The following NRXN3 variants were observed in gnomAD, a reference collection of about 807,000 sequenced individuals.
NRXN3 encodes neurexin 3, also known as neurexin III.
NRXN3 carries 32 observed loss-of-function variants against 137.6 expected under a neutral mutation model. That is an observed-to-expected ratio of 0.23 (90% CI 0.18 to 0.31). The LOEUF is 0.31. Among genes scored for constraint, NRXN3 ranks in the 10% least tolerant of loss-of-function variants. The probability of loss-of-function intolerance (pLI) is 1.00; values close to 1 mark genes in which losing one functional copy is unlikely to be tolerated. For synonymous variants in NRXN3, 798 were observed against 784.5 expected (o/e 1.02, Z -0.29); for missense variants, 1,574 against 2,062.5 (o/e 0.76, Z 4.59).
rs2099152024 is a variant in NRXN3, at chr14:79,793,548, G to A, written c.4015-11564G>A. 2.6e-5 allele frequency among the ~76,000 whole-genome samples: 4 copies of A among 152,234 alleles called. No individual in the cohort carries two copies. The South Asian group carries it at 8.3e-4, about 32-fold the overall frequency. On this transcript the variant is annotated intron_variant, in intron 19 of 20. Transcript: ENST00000335750. ...TCTGAAACCATGTCACACTCCTTTG[G>A]CCTGTTCAAAATCATTTTTCAGAAC...
At position 78,611,944 on chromosome 14, in the gene NRXN3, C is replaced by A. The variant is rs193238487; in HGVS notation, c.758-33176C>A. ...TTTGTTTTCATTTTTACTCTTTAAA[C>A]CCAAGACGTCTATCTGCTCATTACC... is the stretch of plus-strand genomic sequence containing the variant. On this transcript the variant is annotated intron_variant, in intron 4 of 20. Coordinates refer to ENST00000335750, the MANE Select transcript of NRXN3 (RefSeq NM_001330195.2). Among the ~76,000 whole-genome samples the A allele has an allele frequency of 4.4e-3, 665 of 152,262 alleles. 2 individuals carry two copies. The highest frequency in any genetic ancestry group is 6.8e-3 in the Non-Finnish European group (464 of 68,006).
At chr14:78,220,830 C>A (rs572302427) in intron 1 of NRXN3, among the ~76,000 whole-genome samples, 2 of 151,484 alleles carry the variant, frequency 1.3e-5, no homozygotes, top group East Asian at 3.9e-4. Flanking sequence ...AAGTGAGTAG[C>A]CAGAGGGGAG....
At chr14:78,425,875 C>A (rs1171569041) in intron 4 of NRXN3, among the ~76,000 whole-genome samples, 3 of 152,174 alleles carry the variant, frequency 2.0e-5, no homozygotes, top group Non-Finnish European at 4.4e-5. Flanking sequence ...AGGAAATTAG[C>A]TGTGAGTGTA....
intron 16 of NRXN3, among the ~76,000 whole-genome samples, chr14:79,519,780 T>TC (rs2097043321): frequency 6.6e-6 from 1 of 151,268 alleles, no homozygotes; most frequent in Non-Finnish European, 1.5e-5. Context: ...TTTTTTTTTT[T>TC]TTTTTTGAAA....
chr14:79,800,192 A>G (rs2099173398), intron 19 of NRXN3, among the ~76,000 whole-genome samples: 1 of 152,234 alleles, frequency 6.6e-6, no homozygotes, highest in African/African-American at 2.4e-5. Context: ...GTGAGGGGAA[A>G]AAATGTGAAG....
At chr14:79,248,262 G>C (rs1456074546) in intron 15 of NRXN3, among the ~76,000 whole-genome samples, 1 of 151,980 alleles carries the variant, frequency 6.6e-6, no homozygotes, top group Non-Finnish European at 1.5e-5. Flanking sequence ...CCTTCCTTTT[G>C]AGCATTATCC....
intron 16 of NRXN3, among the ~76,000 whole-genome samples, chr14:79,558,731 T>C (rs919826692): frequency 1.3e-5 from 2 of 152,126 alleles, no homozygotes; most frequent in Non-Finnish European, 2.9e-5. Flanking sequence ...CAAATGAGCA[T>C]TGACTTCAAC....
Position 79,591,254 on chromosome 14 carries a change from C to G in NRXN3, c.3445-72524C>G, listed in dbSNP as rs75423503. On this transcript the variant is annotated intron_variant, in intron 16 of 20. Transcript: ENST00000335750. ...TAACAAAATATGACATTTAAAGGAA[C>G]TCACTTTTTCTTTTTTGTTGACAGT... Among the ~76,000 whole-genome samples, 988 of 152,262 alleles carry G rather than the reference C, an allele frequency of 6.5e-3. 4 individuals are homozygous for G. The highest frequency in any genetic ancestry group is 0.011 in the Non-Finnish European group (765 of 68,014).
At chr14:79,503,230 T>C (rs1161902661) in intron 16 of NRXN3, among the ~76,000 whole-genome samples, 1 of 152,196 alleles carries the variant, frequency 6.6e-6, no homozygotes, top group Admixed American at 6.5e-5. Context: ...TTGCGGGATA[T>C]ACATGGAAGG....
intron 8 of NRXN3, among the ~76,000 whole-genome samples, chr14:78,773,350 C>A (rs2098734571): frequency 1.3e-5 from 2 of 152,232 alleles, no homozygotes; most frequent in South Asian, 4.1e-4. Context: ...TACTCCTCCC[C>A]TTCCCTTGCC....
At chr14:78,465,310 A>G (rs1432031128) in intron 4 of NRXN3, among the ~76,000 whole-genome samples, 2 of 152,224 alleles carry the variant, frequency 1.3e-5, no homozygotes, top group Non-Finnish European at 2.9e-5. Flanking sequence ...TAAATAAATT[A>G]TGGAAACCAG....
At chr14:78,404,648 G>A (rs777484067) in intron 4 of NRXN3, among the ~76,000 whole-genome samples, 9 of 152,150 alleles carry the variant, frequency 5.9e-5, no homozygotes, top group African/African-American at 1.7e-4. Context: ...TGAGACCAGG[G>A]ACTGTGCCTC....
intron 19 of NRXN3, among the ~76,000 whole-genome samples, chr14:79,706,285 C>T (rs1038797387): frequency 3.3e-5 from 5 of 152,150 alleles, no homozygotes; most frequent in African/African-American, 4.8e-5. Context: ...GTAATATCAC[C>T]CACCTTTCCC....
chr14:79,818,665 C>T (rs1417006528), intron 20 of NRXN3, among the ~76,000 whole-genome samples: 1 of 152,168 alleles, frequency 6.6e-6, no homozygotes, highest in African/African-American at 2.4e-5. Context: ...GTTTATCCTC[C>T]CTTTTTCCTC....
intron 4 of NRXN3, among the ~76,000 whole-genome samples, chr14:78,325,995 C>G (rs895806792): frequency 6.6e-6 from 1 of 152,146 alleles, no homozygotes; most frequent in Non-Finnish European, 1.5e-5. Flanking sequence ...CACTGAAAGC[C>G]CCGTCTTCCA....
intron 16 of NRXN3, among the ~76,000 whole-genome samples, chr14:79,534,339 G>A (rs2097194001): frequency 1.3e-5 from 2 of 152,208 alleles, no homozygotes; most frequent in Admixed American, 6.5e-5. Flanking sequence ...CGTTGTAAGG[G>A]GACTGAGGGC....
At chr14:78,978,333 G>A (rs2099476546) in intron 14 of NRXN3, among the ~76,000 whole-genome samples, 1 of 152,032 alleles carries the variant, frequency 6.6e-6, no homozygotes, top group African/African-American at 2.4e-5. Context: ...ATAAGATTTA[G>A]GACCCTATTC....
chr14:79,687,450 A>T (rs2098700076), intron 17 of NRXN3, among the ~76,000 whole-genome samples: 1 of 152,186 alleles, frequency 6.6e-6, no homozygotes, highest in Non-Finnish European at 1.5e-5. Flanking sequence ...CTGCCCTAGT[A>T]CTTGAGGGCA....
At chr14:79,389,383 A>G (rs2153469681) in intron 15 of NRXN3, among the ~76,000 whole-genome samples, 1 of 152,314 alleles carries the variant, frequency 6.6e-6, no homozygotes, top group South Asian at 2.1e-4. Flanking sequence ...TTGATAACCA[A>G]CAAACTCCCA....
Sources: allele counts gnomAD v4.1 joint callset (sites outside exome capture counted in the v4.1 genomes callset), GRCh38; gene constraint gnomAD v4.1.1; transcripts MANE v1.5; gene names NCBI Gene and HGNC (gene_info 2026-07-23, HGNC 2026-07-21).